The following PAPLN variants were observed in gnomAD, a reference collection of about 807,000 sequenced individuals.
The protein encoded by PAPLN is papilin.
In PAPLN, 146 loss-of-function variants were observed where a neutral mutation model predicts 159.0. The observed-to-expected ratio is 0.92, with a 90% CI of 0.80 to 1.05. The LOEUF (loss-of-function observed/expected upper bound fraction) is 1.05, where lower values mean the gene tolerates loss of function less well. PAPLN is among the 50% of genes least tolerant of loss of function. PAPLN has a pLI of 0.00. For synonymous variants in PAPLN, 734 were observed against 702.9 expected, an observed-to-expected ratio of 1.04 and a Z score of -0.70; for missense variants, 1,720 against 1,743.9, an observed-to-expected ratio of 0.99 and a Z score of 0.24.
intron 12 of PAPLN, 41 bp from the exon 13 acceptor site, chr14:73,254,472 G>A: frequency 6.2e-7 from 1 of 1,604,276 alleles, no homozygotes; most frequent in South Asian, 1.1e-5. Context: ...GTGGCTCCTG[G>A]GGGCAAGGCC....
chr14:73,259,609 G>T, intron 16 of PAPLN, 64 bp downstream of exon 16: 1 of 1,426,520 alleles, frequency 7.0e-7, no homozygotes, highest in Non-Finnish European at 9.2e-7. Flanking sequence ...CCCCGTGGGT[G>T]GGCCAACATC....
intron 14 of PAPLN, among the ~76,000 whole-genome samples, chr14:73,258,289 G>A (rs2140267295): frequency 6.6e-6 from 1 of 152,208 alleles, no homozygotes; most frequent in South Asian, 2.1e-4. Flanking sequence ...ATGATGTTGA[G>A]TATCTTTTTA....
At chr14:73,270,008 G>T (rs1031527544) in intron 26 of PAPLN, among the ~76,000 whole-genome samples, 12 of 152,336 alleles carry the variant, frequency 7.9e-5, no homozygotes, top group African/African-American at 2.9e-4. Context: ...GCCTCCCCAG[G>T]GCCCAGCTCA....
intron 2 of PAPLN, among the ~76,000 whole-genome samples, chr14:73,242,480 G>C (rs1451552863): frequency 6.6e-6 from 1 of 152,232 alleles, no homozygotes; most frequent in African/African-American, 2.4e-5. Flanking sequence ...CAGCAGCTAA[G>C]AAAGCAGCCA....
intron 5 of PAPLN, among the ~76,000 whole-genome samples, chr14:73,246,578 T>C (rs1341964678): frequency 1.3e-5 from 2 of 151,174 alleles, no homozygotes; most frequent in Non-Finnish European, 2.9e-5. Context: ...TCTCGTTCTC[T>C]CTCGCTTGCT....
chr14:73,251,126 G>A (rs774711764), intron 7 of PAPLN, 96 bp downstream of exon 7: 3 of 1,507,996 alleles, frequency 2.0e-6, no homozygotes, highest in African/African-American at 2.8e-5. Flanking sequence ...CAGGCCAAGT[G>A]GCCCTCATGG....
Position 73,258,618 on chromosome 14 carries a change from T to TAAAAAAAAAAAA in PAPLN, c.1628-352_1628-341dup, listed in dbSNP as rs57126237. Among the ~76,000 whole-genome samples the TAAAAAAAAAAAA allele has an allele frequency of 5.9e-4, 45 of 75,760 alleles. 1 individual carries two copies. Among genetic ancestry groups the TAAAAAAAAAAAA allele is most frequent in the African/African-American group, 1.7e-3 (33 of 18,974 alleles). The allele number at this position is 75,760 out of a possible 152,430, so 49.7% of individuals were successfully genotyped here. A position where few individuals can be genotyped will look rare whatever the true frequency, so the allele number is the denominator to read the frequency against. On this transcript the variant is annotated intron_variant, in intron 14 of 26. Transcript: ENST00000644200. ...GGGCAATATAGAAAGACCCTATCTC[T>TAAAAAAAAAAAA]AAAAAAAAAAAAAAAAAAAAGTAGT...
chr14:73,264,823 C>T, intron 22 of PAPLN, 97 bp downstream of exon 22: 1 of 1,563,692 alleles, frequency 6.4e-7, no homozygotes, highest in South Asian at 1.2e-5. Flanking sequence ...GTGACCAGGC[C>T]TTGCCAGCCC....
intron 14 of PAPLN, among the ~76,000 whole-genome samples, chr14:73,257,386 A>G (rs757675589): frequency 4.4e-5 from 6 of 136,068 alleles, no homozygotes; most frequent in Non-Finnish European, 9.4e-5. Flanking sequence ...CACTCAGAGC[A>G]ACTTTCACTA....
intron 18 of PAPLN, among the ~76,000 whole-genome samples, chr14:73,261,654 G>A (rs1033304292): frequency 2.0e-5 from 3 of 152,234 alleles, no homozygotes; most frequent in African/African-American, 7.2e-5. Flanking sequence ...CTGGAATGTG[G>A]GTGGAGTAGC....
Position 73,263,620 on chromosome 14 carries a change from C to A in PAPLN, c.2724-25C>A, listed in dbSNP as rs779966419. 7.4e-6 allele frequency: 12 copies of A among 1,613,248 alleles called. No individual in the cohort carries two copies. In the South Asian group the frequency reaches 1.3e-4, roughly 18 times the overall value. On this transcript the variant is annotated intron_variant, in intron 19 of 26. Transcript: ENST00000644200. Reference sequence around the variant, plus strand: ...TGGTCCTGGCGCTCATGCCAGTCAGCAGATCTCACTTCCCACCTCTCCAGG... The same window carrying A: ...TGGTCCTGGCGCTCATGCCAGTCAGAAGATCTCACTTCCCACCTCTCCAGG...
At chr14:73,268,087 G>A (rs1225067412) in intron 25 of PAPLN, among the ~76,000 whole-genome samples, 6 of 151,718 alleles carry the variant, frequency 4.0e-5, no homozygotes, top group East Asian at 3.9e-4. Context: ...TCTGCTTGCC[G>A]TATGCTCCTT....
At chr14:73,269,049 T>G (rs1887472302) in intron 26 of PAPLN, among the ~76,000 whole-genome samples, 1 of 152,166 alleles carries the variant, frequency 6.6e-6, no homozygotes, top group Non-Finnish European at 1.5e-5. Context: ...CTGACTGGAA[T>G]TTCATTATAA....
In PAPLN at chr14:73,251,482, C is replaced by A. The variant is rs758202741; in HGVS notation, c.590-4C>A. ...ACACCCAGCACCTGCGTCTCTGCCC[C>A]CAGGCTACAACCAGATCCTCATAGT... On this transcript the variant is annotated splice_polypyrimidine_tract_variant and splice_region_variant and intron_variant, in intron 7 of 26. Transcript: ENST00000644200. 1 of 1,604,774 alleles carries A rather than the reference C, an allele frequency of 6.2e-7. No individual in the cohort carries two copies. The highest frequency in any genetic ancestry group is 1.1e-5 in the South Asian group (1 of 91,064).
intron 21 of PAPLN, 84 bp from the exon 22 acceptor site, chr14:73,264,504 G>A: frequency 1.3e-6 from 2 of 1,529,814 alleles, no homozygotes; most frequent in Non-Finnish European, 1.8e-6. Flanking sequence ...TTCTCCGTAA[G>A]TCCCTGCTGG....
At chr14:73,244,472 A>G (rs1449098353) in intron 2 of PAPLN, 172 bp from the exon 3 acceptor site, 2 of 571,780 alleles carry the variant, frequency 3.5e-6, no homozygotes, top group East Asian at 6.4e-5. Context: ...CTGAAAAGGA[A>G]TATGTTTTGG....
chr14:73,272,740 C>CCTCTCTCTGG lies in PAPLN; in HGVS notation c.*79_*88dup. 9 of 1,379,530 alleles carry CCTCTCTCTGG rather than the reference C, an allele frequency of 6.5e-6. No individual in the cohort carries two copies. Among genetic ancestry groups the CCTCTCTCTGG allele is most frequent in the Non-Finnish European group, 8.6e-6 (9 of 1,044,992 alleles). The allele number at this position is 1,379,530 out of a possible 1,614,324, so 85.5% of individuals were successfully genotyped here. On this transcript the variant is annotated 3_prime_UTR_variant, in exon 27 of 27. Transcript: ENST00000644200. ...AGAAAGGAAGATGGACTCTTGGCTT[C>CCTCTCTCTGG]CTCTCTCTGGCTGGCAAAGGGAGTT... is the stretch of plus-strand genomic sequence containing the variant.
intron 12 of PAPLN, 93 bp from the exon 13 acceptor site, chr14:73,254,420 C>G: frequency 6.7e-7 from 1 of 1,498,288 alleles, no homozygotes; most frequent in Non-Finnish European, 9.1e-7. Flanking sequence ...GTGCTATCTG[C>G]CTCCACACCA....
chr14:73,259,408 A>AT lies in PAPLN; in HGVS notation c.1849dup (p.Tyr617LeufsTer52). ...CCGCTCCCTCTCTGCAGCAGCCCCC[A>AT]TACCAGCAACCCCTGCGGTCGGGCT... On this transcript the variant is annotated frameshift_variant, in exon 16 of 27. Transcript: ENST00000644200. LOFTEE classifies it high-confidence loss of function. 6.2e-7 allele frequency: 1 copy of AT among 1,612,632 alleles called. No individual in the cohort carries two copies. Among genetic ancestry groups the AT allele is most frequent in the Non-Finnish European group, 8.5e-7 (1 of 1,179,542 alleles).
Sources: gnomAD v4.1 joint callset for allele counts (sites outside exome capture counted in the v4.1 genomes callset) on GRCh38, gnomAD v4.1.1 for gene constraint, MANE v1.5 for transcripts, NCBI Gene and HGNC (gene_info 2026-07-23, HGNC 2026-07-21) for gene names.